Variants in KIAA1217 observed in about 807,000 individuals in gnomAD.
KIAA1217 encodes the protein sickle tail protein homolog.
In KIAA1217, 88 loss-of-function variants were observed where a neutral mutation model predicts 163.9. The observed-to-expected ratio is 0.54, with a 90% CI of 0.45 to 0.64. KIAA1217 has a LOEUF of 0.64. Among genes scored for constraint, KIAA1217 ranks in the 30% least tolerant of loss-of-function variants. KIAA1217 has a pLI of 0.00. For synonymous variants in KIAA1217, 903 were observed against 923.1 expected (o/e 0.98, Z 0.39); for missense variants, 2,372 against 2,475.0 (o/e 0.96, Z 0.88).
chr10:23,807,559 C>T (rs552375696), intron 1 of KIAA1217, among the ~76,000 whole-genome samples: 59 of 152,270 alleles, frequency 3.9e-4, no homozygotes, highest in Admixed American at 1.0e-3. Flanking sequence ...ATGGAGAGAT[C>T]GACTTTATTC....
intron 1 of KIAA1217, among the ~76,000 whole-genome samples, chr10:23,701,018 G>A (rs1836415343): frequency 6.6e-6 from 1 of 152,042 alleles, no homozygotes; most frequent in African/African-American, 2.4e-5. Context: ...TAAATAAATG[G>A]GAATAAAATA....
chr10:24,309,179 A>G (rs1303702474), intron 2 of KIAA1217, among the ~76,000 whole-genome samples: 3 of 148,862 alleles, frequency 2.0e-5, no homozygotes, highest in Non-Finnish European at 4.5e-5. Flanking sequence ...GGAAGGAGGG[A>G]GAGAGAGAGG....
intron 3 of KIAA1217, among the ~76,000 whole-genome samples, chr10:24,398,865 A>T (rs1412493123): frequency 6.6e-6 from 1 of 152,096 alleles, no homozygotes; most frequent in East Asian, 1.9e-4. Flanking sequence ...CTAGTGGCCC[A>T]ATTTCTGAGC....
At position 23,893,464 on chromosome 10, in the gene KIAA1217, T is replaced by G. The variant is rs558803334; in HGVS notation, c.-320-113761T>G. ...CCAGCTCCTGGATTCTTTAATTTTT[T>G]GAAGGGTTTTTTGTGTCTCTATTTC... On this transcript the variant is annotated intron_variant, in intron 1 of 18. Coordinates refer to the KIAA1217 transcript ENST00000376462. Among the ~76,000 whole-genome samples, 14 of 152,198 alleles carry G rather than the reference T, an allele frequency of 9.2e-5. No individual in the cohort carries two copies. The East Asian group carries it at 1.6e-3, about 17-fold the overall frequency.
chr10:23,911,785 A>C (rs1443606902), intron 1 of KIAA1217, among the ~76,000 whole-genome samples: 4 of 152,144 alleles, frequency 2.6e-5, no homozygotes, highest in Non-Finnish European at 5.9e-5. Context: ...TGATGCCTTC[A>C]ACTCTTCCTT....
At chr10:23,892,453 G>T (rs1164987814) in intron 1 of KIAA1217, among the ~76,000 whole-genome samples, 1 of 151,870 alleles carries the variant, frequency 6.6e-6, no homozygotes, top group Non-Finnish European at 1.5e-5. Flanking sequence ...GAGATTTGTG[G>T]TACATTTGGT....
At chr10:24,193,336 G>A (rs949434404) in intron 2 of KIAA1217, among the ~76,000 whole-genome samples, 1 of 152,222 alleles carries the variant, frequency 6.6e-6, no homozygotes, top group South Asian at 2.1e-4. Flanking sequence ...TATCTGGAGA[G>A]AAAATTTGCT....
chr10:24,449,848 T>C, intron 5 of KIAA1217: 2 of 704,286 alleles, frequency 2.8e-6, no homozygotes, highest in Non-Finnish European at 3.5e-6. Context: ...TTAACTTGTC[T>C]TCTGTATTCA....
intron 1 of KIAA1217, among the ~76,000 whole-genome samples, chr10:23,934,634 T>TTTTTTTTTA (rs1843443720): frequency 8.0e-6 from 1 of 124,780 alleles, no homozygotes; most frequent in Non-Finnish European, 1.6e-5. Context: ...TATTTTTTTT[T>TTTTTTTTTA]TGAGACGGAG....
At chr10:24,458,947 A>C (rs1196696245) in intron 5 of KIAA1217, among the ~76,000 whole-genome samples, 1 of 152,210 alleles carries the variant, frequency 6.6e-6, no homozygotes, top group Non-Finnish European at 1.5e-5. Flanking sequence ...GTTCTCAAAG[A>C]GTATTCCCTG....
chr10:24,297,257 T>A (rs980129473), intron 2 of KIAA1217, among the ~76,000 whole-genome samples: 5 of 152,224 alleles, frequency 3.3e-5, no homozygotes, highest in African/African-American at 1.2e-4. Context: ...CCATGTTCTG[T>A]TAAGGAAACA....
intron 5 of KIAA1217, among the ~76,000 whole-genome samples, chr10:24,469,966 A>G (rs1044653855): frequency 6.6e-6 from 1 of 152,204 alleles, no homozygotes; most frequent in Non-Finnish European, 1.5e-5. Flanking sequence ...TGACAACAGT[A>G]CCTACCATTT....
At chr10:24,270,332 C>A (rs184809481) in intron 2 of KIAA1217, among the ~76,000 whole-genome samples, 1 of 152,156 alleles carries the variant, frequency 6.6e-6, no homozygotes, top group Non-Finnish European at 1.5e-5. Flanking sequence ...CATCTTCCCC[C>A]ACTTACTGGG....
At chr10:23,919,670 A>T (rs866115642) in intron 1 of KIAA1217, among the ~76,000 whole-genome samples, 121 of 151,810 alleles carry the variant, frequency 8.0e-4, no homozygotes, top group African/African-American at 2.8e-3. Context: ...TCATTCATTC[A>T]ACAATATTCA....
intron 12 of KIAA1217, 95 bp downstream of exon 12, chr10:24,522,024 C>A: frequency 7.3e-7 from 1 of 1,378,222 alleles, no homozygotes; most frequent in Non-Finnish European, 9.8e-7. Context: ...CCACCATGCT[C>A]CCAGGACACA....
chr10:23,889,363 T>C (rs963659658), intron 1 of KIAA1217, among the ~76,000 whole-genome samples: 2 of 151,890 alleles, frequency 1.3e-5, no homozygotes, highest in South Asian at 2.1e-4. Flanking sequence ...TGGCACCTCA[T>C]TGTGGTTTTA....
At chr10:23,844,439 A>G (rs1341638559) in intron 1 of KIAA1217, among the ~76,000 whole-genome samples, 1 of 152,220 alleles carries the variant, frequency 6.6e-6, no homozygotes, top group Non-Finnish European at 1.5e-5. Flanking sequence ...TCTCCCCTAC[A>G]ACACTCAAAT....
chr10:24,096,613 T>C (rs2062173136), intron 2 of KIAA1217, among the ~76,000 whole-genome samples: 1 of 152,164 alleles, frequency 6.6e-6, no homozygotes, highest in Admixed American at 6.5e-5. Flanking sequence ...CTCTGTGTAC[T>C]TCCCCATCTC....
intron 1 of KIAA1217, among the ~76,000 whole-genome samples, chr10:23,740,171 G>T (rs1435340099): frequency 6.6e-6 from 1 of 152,118 alleles, no homozygotes. Flanking sequence ...GTGGCTAAAT[G>T]GCATTTAAAA....
Sources: gnomAD v4.1 joint callset for allele counts (sites outside exome capture counted in the v4.1 genomes callset) on GRCh38, gnomAD v4.1.1 for gene constraint, MANE v1.5 for transcripts, NCBI Gene and HGNC (gene_info 2026-07-23, HGNC 2026-07-21) for gene names.